CXorf58: variants seen among roughly 807,000 people sequenced by gnomAD.
CXorf58 encodes the protein chromosome X open reading frame 58.
In CXorf58, 24 loss-of-function variants were observed where a neutral mutation model predicts 26.0. That is an observed-to-expected ratio of 0.92 (90% CI 0.67 to 1.30). The LOEUF is 1.30. CXorf58 is among the 50% of genes most tolerant of loss of function. The pLI, the probability that CXorf58 is intolerant of heterozygous loss-of-function variation, is 0.00. For missense variants in CXorf58, 236 were observed against 263.9 expected, an observed-to-expected ratio of 0.89 and a Z score of 0.73; for synonymous variants, 87 against 86.1, an observed-to-expected ratio of 1.01 and a Z score of -0.06.
At chrX:23,916,763 G>A (rs758242373) in intron 5 of CXorf58, among the ~76,000 whole-genome samples, 1 of 108,434 alleles carries the variant, frequency 9.2e-6, no homozygotes, top group East Asian at 2.9e-4. Context: ...GGTGGCACAT[G>A]CCTGTAATCC....
rs771359211 is a variant in CXorf58 at position 23,911,173 on chromosome X, G to T, written c.117-584G>T. On this transcript the variant is annotated intron_variant, in intron 2 of 8. Coordinates refer to ENST00000379211, the MANE Select transcript of CXorf58 (RefSeq NM_152761.3). Reference sequence around the variant, plus strand: ...ATAGCGCTGTAAGGGGTAATGATGGGGTGAGAAGGTATGAAGGAGGAGACC... The same window carrying T: ...ATAGCGCTGTAAGGGGTAATGATGGTGTGAGAAGGTATGAAGGAGGAGACC... 2.7e-5 allele frequency among the ~76,000 whole-genome samples: 3 copies of T among 111,028 alleles called. No individual in the cohort carries two copies. In the East Asian group the frequency reaches 8.4e-4, roughly 31 times the overall value.
At chrX:23,913,049 A>T (rs1368496524) in intron 3 of CXorf58, among the ~76,000 whole-genome samples, 1 of 111,029 alleles carries the variant, frequency 9.0e-6, no homozygotes, top group African/African-American at 3.3e-5. Context: ...CAAAACCAAA[A>T]AAAAAAGGTG....
At chrX:23,925,744 A>T (rs7880705) in intron 5 of CXorf58, among the ~76,000 whole-genome samples, 8,933 of 105,225 alleles carry the variant, frequency 0.085, 950 homozygotes, top group African/African-American at 0.28. Context: ...AAGAAACTTA[A>T]CTGGAATCAA....
intron 6 of CXorf58, among the ~76,000 whole-genome samples, chrX:23,934,889 T>C (rs1022542773): frequency 9.3e-6 from 1 of 108,018 alleles, no homozygotes; most frequent in African/African-American, 3.4e-5. Flanking sequence ...CTCTTTGAGA[T>C]GGAGTCACTC....
intron 6 of CXorf58, among the ~76,000 whole-genome samples, chrX:23,929,380 T>C (rs1183218602): frequency 1.1e-5 from 1 of 89,698 alleles, no homozygotes; most frequent in Non-Finnish European, 2.1e-5. Context: ...CACTCCAGTC[T>C]GGGCAATAGA....
At chrX:23,927,178 G>A (rs779175602) in intron 5 of CXorf58, 61 bp from the exon 6 acceptor site, 3 of 732,574 alleles carry the variant, frequency 4.1e-6, no homozygotes, top group Admixed American at 3.3e-5. Context: ...TATGTAAAGG[G>A]CGTGCTGATC....
chrX:23,910,072 G>A (rs1601954806), intron 1 of CXorf58, among the ~76,000 whole-genome samples: 2 of 111,565 alleles, frequency 1.8e-5, no homozygotes, highest in South Asian at 7.4e-4. Flanking sequence ...CAGTTAGAAG[G>A]CTATGGATAG....
At chrX:23,927,580 A>AT (rs1257685772) in intron 6 of CXorf58, among the ~76,000 whole-genome samples, 3 of 110,597 alleles carry the variant, frequency 2.7e-5, no homozygotes, top group Non-Finnish European at 3.8e-5. Context: ...TTCTTTTAAA[A>AT]TTTTTTTTTA....
chrX:23,911,113 T>A lies in CXorf58; in HGVS notation c.117-644T>A, dbSNP rs770194046. Reference sequence around the variant, plus strand: ...TTGTAGCCTGCATTTTGCCAGCCAATGGGTAGCATTATGCAGGAGTACCTG... The same window carrying A: ...TTGTAGCCTGCATTTTGCCAGCCAAAGGGTAGCATTATGCAGGAGTACCTG... On this transcript the variant is annotated intron_variant, in intron 2 of 8. Transcript: ENST00000379211. Among the ~76,000 whole-genome samples, 5 of 110,768 alleles carry A rather than the reference T, an allele frequency of 4.5e-5. No homozygotes were observed. The South Asian group carries it at 1.9e-3, about 42-fold the overall frequency.
intron 1 of CXorf58, among the ~76,000 whole-genome samples, chrX:23,909,846 GT>G (rs2147062410): frequency 8.9e-6 from 1 of 112,013 alleles, no homozygotes; most frequent in East Asian, 2.8e-4. Context: ...CTGCTATTTG[GT>G]GATAAAACTG....
intron 7 of CXorf58, among the ~76,000 whole-genome samples, chrX:23,937,133 C>T (rs1266506181): frequency 2.7e-5 from 3 of 111,918 alleles, no homozygotes; most frequent in Admixed American, 9.5e-5. Flanking sequence ...GAGGTGATCC[C>T]AGGAACAACT....
intron 5 of CXorf58, 38 bp downstream of exon 5, chrX:23,916,366 T>C (rs1314368869): frequency 1.2e-6 from 1 of 856,149 alleles, no homozygotes; most frequent in African/African-American, 2.0e-5. Flanking sequence ...TTAACTTAGC[T>C]TTTTAACATC....
chrX:23,910,787 A>G (rs1394311117), intron 2 of CXorf58, among the ~76,000 whole-genome samples: 3 of 72,146 alleles, frequency 4.2e-5, no homozygotes, highest in Non-Finnish European at 7.5e-5. Context: ...TTTTTTTCAG[A>G]CAGAGTCTCA....
intron 4 of CXorf58, 82 bp from the exon 5 acceptor site, chrX:23,916,135 T>C (rs1230367876): frequency 1.9e-6 from 1 of 532,020 alleles, no homozygotes; most frequent in African/African-American, 2.4e-5. Context: ...AGAAACTATA[T>C]GAACTATCTT....
In CXorf58 at chrX:23,928,687, T is replaced by G. The variant is rs748644640; in HGVS notation, c.555+1317T>G. Among the ~76,000 whole-genome samples the G allele has an allele frequency of 3.6e-5, 4 of 111,622 alleles. No homozygotes were observed. In the South Asian group the frequency reaches 1.5e-3, roughly 42 times the overall value. On this transcript the variant is annotated intron_variant, in intron 6 of 8. Coordinates refer to ENST00000379211, the MANE Select transcript of CXorf58 (RefSeq NM_152761.3). ...ATCTTTGATGTTACTATTGTAATTG[T>G]TTTGGAGCACCACAAACTGAGCCCA...
intron 7 of CXorf58, 65 bp downstream of exon 7, chrX:23,935,490 C>A: frequency 1.3e-6 from 1 of 796,760 alleles, no homozygotes; most frequent in Non-Finnish European, 1.9e-6. Context: ...CACATTCTGC[C>A]AGATAGCTCA....
chrX:23,913,241 C>T (rs1038257115), intron 3 of CXorf58, among the ~76,000 whole-genome samples: 1 of 110,824 alleles, frequency 9.0e-6, no homozygotes, highest in African/African-American at 3.3e-5. Context: ...AGTGCAGTGG[C>T]ATGATCTTGG....
At chrX:23,930,054 G>A (rs750147339) in intron 6 of CXorf58, among the ~76,000 whole-genome samples, 6 of 107,587 alleles carry the variant, frequency 5.6e-5, no homozygotes, top group African/African-American at 1.0e-4. Flanking sequence ...AAAATTAGCC[G>A]GGCGTGGTGG....
At position 23,938,850 on chromosome X, in the gene CXorf58, T is replaced by G; in HGVS notation, c.939+150T>G. ...TTATCATAGGTAGTATAAAGTGAAT[T>G]TCATCTTGGTAACATTTTTTAAAAA... On this transcript the variant is annotated intron_variant, in intron 8 of 8. Coordinates refer to ENST00000379211, the MANE Select transcript of CXorf58 (RefSeq NM_152761.3). 7 of 420,134 alleles carry G rather than the reference T, an allele frequency of 1.7e-5. No homozygotes were observed. In the South Asian group the frequency reaches 4.9e-4, roughly 29 times the overall value. The allele number at this position is 420,134 out of a possible 1,213,427, so 34.6% of individuals were successfully genotyped here.
Sources: allele counts gnomAD v4.1 joint callset (sites outside exome capture counted in the v4.1 genomes callset), GRCh38; gene constraint gnomAD v4.1.1; transcripts MANE v1.5; gene names NCBI Gene and HGNC (gene_info 2026-07-23, HGNC 2026-07-21).